The following SHROOM3 variants were observed in gnomAD, a reference collection of about 807,000 sequenced individuals.
The protein encoded by SHROOM3 is shroom family member 3.
A neutral mutation model predicts 138.6 loss-of-function variants in SHROOM3; 47 were observed. The ratio of observed to expected loss-of-function variants is 0.34; its 90% confidence interval spans 0.27 to 0.43. The LOEUF (loss-of-function observed/expected upper bound fraction) is 0.43. Among genes scored for constraint, SHROOM3 ranks in the 20% least tolerant of loss-of-function variants. SHROOM3 has a pLI of 1.00. For missense variants in SHROOM3, 2,491 were observed against 2,596.5 expected (o/e 0.96, Z 0.88); for synonymous variants, 1,062 against 1,063.3 (o/e 1.00, Z 0.02).
chr4:76,467,114 C>T (rs1731265640), intron 1 of SHROOM3, among the ~76,000 whole-genome samples: 1 of 151,108 alleles, frequency 6.6e-6, no homozygotes, highest in Non-Finnish European at 1.5e-5. Context: ...TCAATCACGA[C>T]TCACTGCAGC....
chr4:76,749,589 A>G (rs1721555947), intron 6 of SHROOM3, among the ~76,000 whole-genome samples: 1 of 152,214 alleles, frequency 6.6e-6, no homozygotes, highest in Admixed American at 6.5e-5. Flanking sequence ...TGGTGACCAC[A>G]GTGCTAGGGA....
chr4:76,497,430 T>C (rs1731990731), intron 1 of SHROOM3, among the ~76,000 whole-genome samples: 1 of 152,088 alleles, frequency 6.6e-6, no homozygotes, highest in African/African-American at 2.4e-5. Flanking sequence ...AGAGTGGAAA[T>C]CAATAAAATA....
At chr4:76,551,560 C>T (rs536455947) in intron 1 of SHROOM3, among the ~76,000 whole-genome samples, 6 of 152,176 alleles carry the variant, frequency 3.9e-5, no homozygotes, top group East Asian at 1.9e-4. Context: ...ATTGAATGAA[C>T]GAACCAATAT....
intron 2 of SHROOM3, among the ~76,000 whole-genome samples, chr4:76,700,117 G>A (rs1237496890): frequency 6.6e-6 from 1 of 152,166 alleles, no homozygotes. Flanking sequence ...ATGGGGCCAA[G>A]GAAGAAAGGA....
intron 2 of SHROOM3, among the ~76,000 whole-genome samples, chr4:76,589,658 G>C (rs1235043695): frequency 6.6e-6 from 1 of 152,134 alleles, no homozygotes; most frequent in Non-Finnish European, 1.5e-5. Flanking sequence ...GTAAGCAGTA[G>C]AGCTACCAGT....
At chr4:76,666,899 G>A (rs1237064849) in intron 2 of SHROOM3, among the ~76,000 whole-genome samples, 1 of 152,156 alleles carries the variant, frequency 6.6e-6, no homozygotes, top group Non-Finnish European at 1.5e-5. Flanking sequence ...GCCTTAAAAA[G>A]GAATGAAATC....
chr4:76,592,521 G>C (rs79946909), intron 2 of SHROOM3, among the ~76,000 whole-genome samples: 3 of 152,168 alleles, frequency 2.0e-5, no homozygotes, highest in African/African-American at 4.8e-5. Context: ...TGTTTCTTAT[G>C]AGAATTAAAC....
At chr4:76,620,087 A>AG (rs1344798947) in intron 2 of SHROOM3, among the ~76,000 whole-genome samples, 1 of 151,000 alleles carries the variant, frequency 6.6e-6, no homozygotes, top group Non-Finnish European at 1.5e-5. Flanking sequence ...AAAAAAAAAA[A>AG]AAAAAAGAAG....
At chr4:76,746,287 C>T (rs930581014) in intron 5 of SHROOM3, among the ~76,000 whole-genome samples, 1 of 152,180 alleles carries the variant, frequency 6.6e-6, no homozygotes, top group African/African-American at 2.4e-5. Context: ...TTCAGTCATG[C>T]ATCATATAAT....
intron 4 of SHROOM3, among the ~76,000 whole-genome samples, chr4:76,733,614 C>A (rs1720946317): frequency 1.3e-5 from 2 of 152,144 alleles, no homozygotes; most frequent in Non-Finnish European, 2.9e-5. Context: ...CTGATCTTGG[C>A]AGCGGCAGGT....
chr4:76,558,610 G>A (rs1390872121), intron 2 of SHROOM3, among the ~76,000 whole-genome samples: 1 of 152,086 alleles, frequency 6.6e-6, no homozygotes, highest in Non-Finnish European at 1.5e-5. Context: ...GTGGAATTTA[G>A]GAGTGTTAAT....
chr4:76,463,962 C>CT (rs1423132532), intron 1 of SHROOM3, among the ~76,000 whole-genome samples: 1 of 152,268 alleles, frequency 6.6e-6, no homozygotes, highest in African/African-American at 2.4e-5. Context: ...AGAATCTCTA[C>CT]TAGGGCAGTG....
intron 2 of SHROOM3, among the ~76,000 whole-genome samples, chr4:76,662,736 G>C (rs1050324591): frequency 1.3e-5 from 2 of 152,190 alleles, no homozygotes; most frequent in Non-Finnish European, 2.9e-5. Context: ...CATGCCTACT[G>C]TAGGTTCAAT....
intron 1 of SHROOM3, among the ~76,000 whole-genome samples, chr4:76,550,755 T>G (rs976245116): frequency 6.6e-6 from 1 of 151,888 alleles, no homozygotes; most frequent in East Asian, 1.9e-4. Context: ...TCCCAGAACT[T>G]TGGGAGGCTG....
At chr4:76,545,004 T>A (rs1733182519) in intron 1 of SHROOM3, among the ~76,000 whole-genome samples, 1 of 152,240 alleles carries the variant, frequency 6.6e-6, no homozygotes, top group Non-Finnish European at 1.5e-5. Context: ...ATGTGTGGAA[T>A]GCATTTCTTG....
chr4:76,504,162 A>T (rs964594918), intron 1 of SHROOM3, among the ~76,000 whole-genome samples: 15 of 151,962 alleles, frequency 9.9e-5, no homozygotes, highest in African/African-American at 1.7e-4. Context: ...TTCTCAAAAA[A>T]ATTTTTTTTT....
At chr4:76,465,758 G>T (rs752576208) in intron 1 of SHROOM3, among the ~76,000 whole-genome samples, 12 of 152,140 alleles carry the variant, frequency 7.9e-5, no homozygotes, top group Non-Finnish European at 1.6e-4. Flanking sequence ...AATGCAAAAA[G>T]CCTGACGCTC....
chr4:76,690,365 A>C (rs1385098781), intron 2 of SHROOM3, among the ~76,000 whole-genome samples: 2 of 152,114 alleles, frequency 1.3e-5, no homozygotes, highest in Non-Finnish European at 2.9e-5. Flanking sequence ...TTTTGGCATT[A>C]CCTTTTTCCC....
chr4:76,755,076 T>G lies in SHROOM3; in HGVS notation c.4593T>G (p.Pro1531=). The change falls in exon 7 of 11, where the codon CCT becomes CCG. Residue 1531 remains proline (P), a synonymous_variant. Coordinates refer to ENST00000296043, the MANE Select transcript of SHROOM3 (RefSeq NM_020859.4). The stretch of plus-strand genomic sequence containing the variant: ...TTGAACCTCTTCCCCCACCCCCACC[T>G]CCTCCACCGAGTCAGGAAACCCCGG... ...PTFEPLPPPP[P]PPPSQETPVY... is the part of the protein sequence containing the mutation. The G allele has an allele frequency of 2.3e-5, 15 of 644,398 alleles. No homozygotes were observed. Among genetic ancestry groups the G allele is most frequent in the Non-Finnish European group, 3.4e-5 (14 of 415,452 alleles). The allele number at this position is 644,398 out of a possible 1,614,324, so 39.9% of individuals were successfully genotyped here. A position where few individuals can be genotyped will look rare whatever the true frequency, so the allele number is the denominator to read the frequency against.
Sources: gnomAD v4.1 joint callset for allele counts (sites outside exome capture counted in the v4.1 genomes callset) on GRCh38, gnomAD v4.1.1 for gene constraint, MANE v1.5 for transcripts, NCBI Gene and HGNC (gene_info 2026-07-23, HGNC 2026-07-21) for gene names.